The following MAGI2 variants were observed in gnomAD, a reference collection of about 807,000 sequenced individuals.
MAGI2 encodes the protein membrane associated guanylate kinase, WW and PDZ domain containing 2, also known as membrane-associated guanylate kinase, WW and PDZ domain-containing protein 2.
A neutral mutation model predicts 133.3 loss-of-function variants in MAGI2; 35 were observed. The observed-to-expected ratio is 0.26, with a 90% CI of 0.20 to 0.35. MAGI2 has a LOEUF of 0.35. Ranked by LOEUF, MAGI2 falls within the 10% of genes least tolerant of loss-of-function variation. The pLI, the probability that MAGI2 is intolerant of heterozygous loss-of-function variation, is 1.00. For synonymous variants in MAGI2, 729 were observed against 710.6 expected, an observed-to-expected ratio of 1.03 and a Z score of -0.41; for missense variants, 1,636 against 1,863.4, an observed-to-expected ratio of 0.88 and a Z score of 2.25.
chr7:78,997,846 T>G (rs1806468044), intron 2 of MAGI2, among the ~76,000 whole-genome samples: 1 of 152,152 alleles, frequency 6.6e-6, no homozygotes, highest in Non-Finnish European at 1.5e-5. Flanking sequence ...TTATTAAAAT[T>G]CAACATTAGA....
chr7:78,931,014 A>G (rs576064691), intron 2 of MAGI2, among the ~76,000 whole-genome samples: 2 of 152,256 alleles, frequency 1.3e-5, no homozygotes, highest in Non-Finnish European at 2.9e-5. Context: ...CTTTGCAGAT[A>G]GGAGTAGAAG....
intron 2 of MAGI2, among the ~76,000 whole-genome samples, chr7:78,779,616 A>G (rs1826245633): frequency 6.6e-6 from 1 of 152,244 alleles, no homozygotes; most frequent in Admixed American, 6.5e-5. Flanking sequence ...TAACTTATTT[A>G]ATGTCAATGA....
At chr7:78,537,861 T>C (rs1480699682) in intron 3 of MAGI2, among the ~76,000 whole-genome samples, 1 of 152,184 alleles carries the variant, frequency 6.6e-6, no homozygotes, top group African/African-American at 2.4e-5. Context: ...AAGTGCCATC[T>C]ATTTATCTTT....
At chr7:78,880,847 AC>A (rs1443141161) in intron 2 of MAGI2, among the ~76,000 whole-genome samples, 2 of 152,166 alleles carry the variant, frequency 1.3e-5, no homozygotes, top group Non-Finnish European at 2.9e-5. Flanking sequence ...ACATAATGAC[AC>A]CCACAGGCTC....
intron 1 of MAGI2, among the ~76,000 whole-genome samples, chr7:79,045,919 T>C (rs531700202): frequency 2.6e-5 from 4 of 152,278 alleles, no homozygotes; most frequent in Non-Finnish European, 5.9e-5. Flanking sequence ...ATACATATGA[T>C]AAAATAACAT....
At chr7:78,898,402 C>G (rs1344901510) in intron 2 of MAGI2, among the ~76,000 whole-genome samples, 1 of 152,152 alleles carries the variant, frequency 6.6e-6, no homozygotes, top group Non-Finnish European at 1.5e-5. Context: ...TGGAATCAAC[C>G]TAAATGTCCA....
Position 78,270,192 on chromosome 7 carries a change from G to C in MAGI2, c.1409-13611C>G, listed in dbSNP as rs1280205669. On this transcript the variant is annotated intron_variant, in intron 9 of 21. Transcript: ENST00000354212. ...AGCCTTGTAGTATAGTTTGAAGTCT[G>C]ATAGCATGATGTCTCCAGTTTTGTT... 2.6e-5 allele frequency among the ~76,000 whole-genome samples: 4 copies of C among 152,172 alleles called. No individual in the cohort carries two copies. In the South Asian group the frequency reaches 6.2e-4, roughly 24 times the overall value.
chr7:78,517,149 G>A (rs554646289), intron 4 of MAGI2, among the ~76,000 whole-genome samples: 58 of 140,408 alleles, frequency 4.1e-4, no homozygotes, highest in African/African-American at 1.3e-3. Context: ...ACAGAAAGAT[G>A]AAAATATCTA....
Position 78,178,053 on chromosome 7 carries a change from T to C in MAGI2, c.2361A>G (p.Gly787=). 6.2e-7 allele frequency: 1 copy of C among 1,613,272 alleles called. No homozygotes were observed. Among genetic ancestry groups the C allele is most frequent in the Non-Finnish European group, 8.5e-7 (1 of 1,179,382 alleles). ...LDVHLRRMES[G]FGFRILGGDE... ...CTCCCCCGAGGATTCTGAAGCCAAA[T>C]CCAGACTCCATCCTCCGAAGATGAA... Residue 787 remains glycine (G), a synonymous_variant, in exon 14 of 22, where the codon GGA becomes GGG. Coordinates refer to ENST00000354212, the MANE Select transcript of MAGI2 (RefSeq NM_012301.4).
intron 3 of MAGI2, among the ~76,000 whole-genome samples, chr7:78,609,267 A>C (rs1806168364): frequency 6.6e-6 from 1 of 152,150 alleles, no homozygotes; most frequent in African/African-American, 2.4e-5. Flanking sequence ...GTTAACCATC[A>C]CAAGTCCACT....
chr7:78,044,382 A>G (rs905929578), intron 21 of MAGI2, among the ~76,000 whole-genome samples: 7 of 152,194 alleles, frequency 4.6e-5, no homozygotes, highest in Non-Finnish European at 1.0e-4. Context: ...GCCATTCCAG[A>G]GACAGAATGA....
chr7:78,046,361 C>A (rs1322267964), intron 21 of MAGI2, among the ~76,000 whole-genome samples: 1 of 150,456 alleles, frequency 6.6e-6, no homozygotes, highest in Non-Finnish European at 1.5e-5. Flanking sequence ...AAGATTGAAC[C>A]ACTGCTCTCC....
At chr7:79,368,255 G>A (rs1165782216) in intron 1 of MAGI2, among the ~76,000 whole-genome samples, 1 of 152,088 alleles carries the variant, frequency 6.6e-6, no homozygotes, top group Non-Finnish European at 1.5e-5. Context: ...GACAGGGAAT[G>A]AGAACCCCAG....
At chr7:79,385,471 C>G (rs1844109232) in intron 1 of MAGI2, among the ~76,000 whole-genome samples, 1 of 151,918 alleles carries the variant, frequency 6.6e-6, no homozygotes, top group South Asian at 2.1e-4. Flanking sequence ...AGGAAGTCCA[C>G]TGTATTGCAT....
At chr7:79,296,624 C>T (rs939285585) in intron 1 of MAGI2, among the ~76,000 whole-genome samples, 1 of 152,092 alleles carries the variant, frequency 6.6e-6, no homozygotes, top group Non-Finnish European at 1.5e-5. Flanking sequence ...TGGGAAATTG[C>T]AAACACTGTG....
At chr7:78,471,882 A>G (rs71573385) in intron 6 of MAGI2, among the ~76,000 whole-genome samples, 17,479 of 151,646 alleles carry the variant, frequency 0.12, 1,290 homozygotes, top group South Asian at 0.22. Context: ...CCTAGATTGC[A>G]CCACTGCACT....
rs138454708 is a variant in MAGI2 at position 78,195,351 on chromosome 7, T to G, written c.2080-288A>C. ...TTTGGCAAACCACTTAATTTCTCTG[T>G]TTTTTTCCCCCTATAAGATAAAGAT... On this transcript the variant is annotated intron_variant, in intron 11 of 21. Transcript: ENST00000354212. Among the ~76,000 whole-genome samples the G allele has an allele frequency of 3.8e-3, 581 of 152,278 alleles. 2 individuals are homozygous for G. Among genetic ancestry groups the G allele is most frequent in the Non-Finnish European group, 6.4e-3 (435 of 68,012 alleles).
chr7:79,409,988 A>T (rs962944994), intron 1 of MAGI2: 3 of 152,124 alleles, frequency 2.0e-5, no homozygotes, highest in Middle Eastern at 3.2e-3. Flanking sequence ...TGATGGGAAG[A>T]ATAGAAATCA....
At chr7:78,482,482 A>C (rs1792497627) in intron 6 of MAGI2, among the ~76,000 whole-genome samples, 1 of 151,934 alleles carries the variant, frequency 6.6e-6, no homozygotes, top group Non-Finnish European at 1.5e-5. Context: ...TATTAGCCAA[A>C]AACTGGATAC....
Sources: gnomAD v4.1 joint callset for allele counts (sites outside exome capture counted in the v4.1 genomes callset) on GRCh38, gnomAD v4.1.1 for gene constraint, MANE v1.5 for transcripts, NCBI Gene and HGNC (gene_info 2026-07-23, HGNC 2026-07-21) for gene names.